CAAP1: variants seen among roughly 807,000 people sequenced by gnomAD.
CAAP1 encodes caspase activity and apoptosis inhibitor 1.
A neutral mutation model predicts 34.0 loss-of-function variants in CAAP1; 20 were observed. The ratio of observed to expected loss-of-function variants is 0.59; its 90% CI spans 0.41 to 0.86. The LOEUF is 0.86. Ranked by LOEUF, CAAP1 falls within the 40% of genes least tolerant of loss-of-function variation. The pLI, the probability that CAAP1 is intolerant of heterozygous loss-of-function variation, is 0.00. For missense variants in CAAP1, 538 were observed against 450.5 expected, an observed-to-expected ratio of 1.19 and a Z score of -1.76; for synonymous variants, 213 against 166.7, an observed-to-expected ratio of 1.28 and a Z score of -2.14.
intron 4 of CAAP1, among the ~76,000 whole-genome samples, chr9:26,870,940 A>G (rs1823261685): frequency 6.6e-6 from 1 of 152,130 alleles, no homozygotes; most frequent in African/African-American, 2.4e-5. Flanking sequence ...TTTGATAAAA[A>G]TATTTCCTTA....
Position 26,887,898 on chromosome 9 carries a change from G to C in CAAP1, c.304-385C>G, listed in dbSNP as rs544596571. Among the ~76,000 whole-genome samples the C allele has an allele frequency of 6.9e-4, 105 of 152,284 alleles. 1 individual carries two copies. Among genetic ancestry groups the C allele is most frequent in the African/African-American group, 2.3e-3 (94 of 41,568 alleles). On this transcript the variant is annotated intron_variant, in intron 1 of 5. Coordinates refer to ENST00000333916, the MANE Select transcript of CAAP1 (RefSeq NM_024828.4). ...ATTCATATAAATAAATTGAAGTAAA[G>C]ATGTTACAAATCACAAATATTATAC... is the stretch of plus-strand genomic sequence containing the variant.
intron 4 of CAAP1, among the ~76,000 whole-genome samples, chr9:26,872,244 C>T (rs973010172): frequency 6.6e-6 from 1 of 152,094 alleles, no homozygotes; most frequent in African/African-American, 2.4e-5. Context: ...TTCTTTCATT[C>T]TATCTTCTCT....
At chr9:26,870,620 AT>A (rs1313604050) in intron 4 of CAAP1, among the ~76,000 whole-genome samples, 3 of 146,146 alleles carry the variant, frequency 2.1e-5, no homozygotes, top group South Asian at 4.4e-4. Context: ...GTATACATAT[AT>A]TTTTTTTTCT....
chr9:26,852,586 C>T (rs1563879793), intron 5 of CAAP1, among the ~76,000 whole-genome samples: 2 of 152,272 alleles, frequency 1.3e-5, no homozygotes, highest in South Asian at 2.1e-4. Flanking sequence ...TAAGAGTACA[C>T]TACTGGTGTA....
intron 4 of CAAP1, among the ~76,000 whole-genome samples, chr9:26,883,048 C>T (rs151068302): frequency 0.061 from 9,299 of 152,136 alleles, 397 homozygotes; most frequent in Middle Eastern, 0.18. Context: ...GGCTCATAGG[C>T]GGAAGGGACT....
At position 26,886,149 on chromosome 9, in the gene CAAP1, G is replaced by A; in HGVS notation, c.544C>T (p.Gln182Ter). 6.4e-7 allele frequency: 1 copy of A among 1,554,374 alleles called. No individual in the cohort carries two copies. The highest frequency in any genetic ancestry group is 1.3e-5 in the South Asian group (1 of 77,448). The change falls in exon 3 of 6, where the codon CAG becomes TAG. Residue 182 changes from glutamine (Q) to a stop codon, truncating the protein, a stop_gained. Transcript: ENST00000333916. LOFTEE classifies it high-confidence loss of function. The part of the protein sequence containing the change: ...IEEIKKLCQE[Q>*]LELLSEKKIL... ...TTTTTTTCAGACAGGAGCTCTAACT[G>A]TTCCTGGCATAGTTTTTTAATTTCT...
rs116016571 is a variant in CAAP1 at position 26,870,257 on chromosome 9, G to C, written c.666-9118C>G. Among the ~76,000 whole-genome samples the C allele has an allele frequency of 8.7e-3, 1,318 of 152,056 alleles. 23 individuals carry two copies. The highest frequency in any genetic ancestry group is 0.03 in the African/African-American group (1,247 of 41,506). On this transcript the variant is annotated intron_variant, in intron 4 of 5. Transcript: ENST00000333916. ...GTGCCTATCTGCTTCCTATTTAAAAGTAACTATACCAAGATTTGCTTCAAA... is the reference window on the plus strand; with the variant it reads ...GTGCCTATCTGCTTCCTATTTAAAACTAACTATACCAAGATTTGCTTCAAA...
chr9:26,847,198 A>ATT (rs1171628621), intron 5 of CAAP1, among the ~76,000 whole-genome samples: 459 of 34,732 alleles, frequency 0.013, 70 homozygotes, highest in African/African-American at 0.019. Context: ...AAAAAGCAAT[A>ATT]TTTTTTTTTT....
At chr9:26,884,915 C>T in intron 3 of CAAP1, 30 bp from the exon 4 acceptor site, 1 of 1,467,774 alleles carries the variant, frequency 6.8e-7, no homozygotes, top group South Asian at 1.2e-5. Context: ...ATTGAAAGCA[C>T]ACTTATAAAA....
At chr9:26,864,751 A>T (rs1823091072) in intron 4 of CAAP1, among the ~76,000 whole-genome samples, 1 of 152,212 alleles carries the variant, frequency 6.6e-6, no homozygotes, top group East Asian at 1.9e-4. Context: ...TGTCCTTTCC[A>T]ACTTCAAAAA....
chr9:26,891,494 T>C (rs1823902357), intron 1 of CAAP1, among the ~76,000 whole-genome samples: 1 of 152,082 alleles, frequency 6.6e-6, no homozygotes, highest in African/African-American at 2.4e-5. Context: ...GACCCAGGAA[T>C]TTCAGTTCTC....
At chr9:26,880,652 CAGA>C (rs1823569895) in intron 4 of CAAP1, 1 of 152,420 alleles carries the variant, frequency 6.6e-6, no homozygotes, top group African/African-American at 2.4e-5. Flanking sequence ...AGCAGTACAG[CAGA>C]AGTTGTGAAA....
chr9:26,877,696 T>C (rs964026483), intron 4 of CAAP1, among the ~76,000 whole-genome samples: 3 of 152,136 alleles, frequency 2.0e-5, no homozygotes, highest in Non-Finnish European at 4.4e-5. Context: ...TGCTAAATTT[T>C]TCACTTAATA....
At chr9:26,859,970 A>C (rs1033966483) in intron 5 of CAAP1, among the ~76,000 whole-genome samples, 7 of 152,224 alleles carry the variant, frequency 4.6e-5, no homozygotes, top group African/African-American at 1.4e-4. Context: ...ATTAAGCAGT[A>C]ATAAAAGACC....
chr9:26,880,589 C>T (rs1423657228), intron 4 of CAAP1: 2 of 155,596 alleles, frequency 1.3e-5, no homozygotes, highest in Non-Finnish European at 2.9e-5. Context: ...TTTCCTTCAC[C>T]TAGAGTTCAG....
chr9:26,875,100 T>A (rs1395979406), intron 4 of CAAP1, among the ~76,000 whole-genome samples: 1 of 152,202 alleles, frequency 6.6e-6, no homozygotes, highest in East Asian at 1.9e-4. Context: ...ATTTTACTGA[T>A]GTTATGTCTC....
chr9:26,871,994 G>A (rs891313255), intron 4 of CAAP1, among the ~76,000 whole-genome samples: 2 of 152,132 alleles, frequency 1.3e-5, no homozygotes, highest in African/African-American at 4.8e-5. Context: ...ATTGGGCTTT[G>A]TAAGTGGATG....
At chr9:26,882,387 A>G (rs1280337909) in intron 4 of CAAP1, among the ~76,000 whole-genome samples, 1 of 152,180 alleles carries the variant, frequency 6.6e-6, no homozygotes, top group Non-Finnish European at 1.5e-5. Context: ...GGTGCTTCAG[A>G]GGGCACAAGA....
intron 5 of CAAP1, among the ~76,000 whole-genome samples, chr9:26,853,158 A>C (rs1304080099): frequency 1.3e-5 from 2 of 152,156 alleles, no homozygotes. Context: ...TGTGTGAAAG[A>C]GACTCCCGGG....
Sources: gnomAD v4.1 joint callset for allele counts (sites outside exome capture counted in the v4.1 genomes callset) on GRCh38, gnomAD v4.1.1 for gene constraint, MANE v1.5 for transcripts, NCBI Gene and HGNC (gene_info 2026-07-23, HGNC 2026-07-21) for gene names.